The following GALNT14 variants were observed in gnomAD, a reference collection of about 807,000 sequenced individuals.
The protein encoded by GALNT14 is polypeptide N-acetylgalactosaminyltransferase 14.
A neutral mutation model predicts 77.5 loss-of-function variants in GALNT14; 60 were observed. The observed-to-expected ratio is 0.77, with a 90% confidence interval of 0.63 to 0.96. The LOEUF (loss-of-function observed/expected upper bound fraction) is 0.96, where lower values mean the gene tolerates loss of function less well. GALNT14 is among the 40% of genes least tolerant of loss of function. The pLI is 0.00. For missense variants in GALNT14, 710 were observed against 731.0 expected, an observed-to-expected ratio of 0.97 and a Z score of 0.33; for synonymous variants, 280 against 281.7, an observed-to-expected ratio of 0.99 and a Z score of 0.06.
chr2:31,038,922 T>C (rs549468193), intron 1 of GALNT14, among the ~76,000 whole-genome samples: 3 of 152,134 alleles, frequency 2.0e-5, no homozygotes, highest in East Asian at 3.9e-4. Context: ...ATTTTTTGTA[T>C]TTTTGTAGAG....
At chr2:30,905,241 C>T in the GALNT14 span, among the ~76,000 whole-genome samples, 1 of 152,132 alleles carries the variant, frequency 6.6e-6, no homozygotes, top group East Asian at 1.9e-4. Flanking sequence ...GAGAAGAAGC[C>T]TTCAGACGAT....
intron 1 of GALNT14, among the ~76,000 whole-genome samples, chr2:31,050,222 A>G (rs921229259): frequency 4.6e-5 from 7 of 152,242 alleles, no homozygotes; most frequent in African/African-American, 1.4e-4. Context: ...CATCAGCAAC[A>G]GCCAGCTTGT....
intron 2 of GALNT14, among the ~76,000 whole-genome samples, chr2:30,988,508 G>C (rs1474245743): frequency 6.6e-6 from 1 of 152,220 alleles, no homozygotes; most frequent in African/African-American, 2.4e-5. Flanking sequence ...GAACCAGAGA[G>C]GCCAAAGTCT....
intron 1 of GALNT14, among the ~76,000 whole-genome samples, chr2:31,021,795 C>T (rs1470226090): frequency 6.6e-6 from 1 of 152,156 alleles, no homozygotes; most frequent in East Asian, 1.9e-4. Context: ...AGTCCTGGTG[C>T]AGCAGAAAGA....
intron 1 of GALNT14, among the ~76,000 whole-genome samples, chr2:31,127,976 T>A (rs1015452355): frequency 6.6e-6 from 1 of 151,964 alleles, no homozygotes; most frequent in African/African-American, 2.4e-5. Flanking sequence ...AGGACAAGAG[T>A]AAAAAAGTCA....
At chr2:31,022,878 G>A (rs184491943) in intron 1 of GALNT14, among the ~76,000 whole-genome samples, 35 of 152,240 alleles carry the variant, frequency 2.3e-4, no homozygotes, top group African/African-American at 6.5e-4. Flanking sequence ...TTTACTCCCC[G>A]CCTATGGGTG....
intron 1 of GALNT14, among the ~76,000 whole-genome samples, chr2:31,076,424 G>A (rs961084983): frequency 2.6e-5 from 4 of 151,920 alleles, no homozygotes; most frequent in Non-Finnish European, 4.4e-5. Context: ...CTCCACCCCC[G>A]CTCTGAGACC....
chr2:31,128,123 T>C (rs1026682394), intron 1 of GALNT14, among the ~76,000 whole-genome samples: 1 of 152,120 alleles, frequency 6.6e-6, no homozygotes. Context: ...CTCCTGATCT[T>C]ACGCTTTCCT....
chr2:31,006,128 T>C (rs1055900759), intron 1 of GALNT14, among the ~76,000 whole-genome samples: 4 of 152,174 alleles, frequency 2.6e-5, no homozygotes, highest in Admixed American at 1.3e-4. Flanking sequence ...TTTGGCTCCA[T>C]GGGCTGGAAT....
chr2:31,038,085 T>TATATATATATA (rs1491282655), intron 1 of GALNT14, among the ~76,000 whole-genome samples: 118 of 38,674 alleles, frequency 3.1e-3, no homozygotes, highest in East Asian at 6.8e-3. Context: ...TATATATATA[T>TATATATATATA]TTTTTTTTTT....
chr2:30,958,088 C>T (rs1667474351), intron 4 of GALNT14, among the ~76,000 whole-genome samples: 1 of 152,280 alleles, frequency 6.6e-6, no homozygotes, highest in African/African-American at 2.4e-5. Context: ...GTGTCATGGC[C>T]AGGTGACAGG....
rs181132015 is a variant in GALNT14, at chr2:31,043,046, C to T, written c.130-50039G>A. 1.0e-3 allele frequency among the ~76,000 whole-genome samples: 159 copies of T among 152,288 alleles called. 4 individuals are homozygous for T. In the South Asian group the frequency reaches 0.02, roughly 19 times the overall value. Reference sequence around the variant, plus strand: ...ACCTCACCTCCTACTTCTCCCCTTTCTCCTCATCCCAGCACACTCCACTTT... The same window carrying T: ...ACCTCACCTCCTACTTCTCCCCTTTTTCCTCATCCCAGCACACTCCACTTT... On this transcript the variant is annotated intron_variant, in intron 1 of 14. Coordinates refer to ENST00000349752, the MANE Select transcript of GALNT14 (RefSeq NM_024572.4).
chr2:30,945,077 G>T, intron 7 of GALNT14, 135 bp from the exon 8 acceptor site: 1 of 630,042 alleles, frequency 1.6e-6, no homozygotes, highest in Admixed American at 3.1e-5. Flanking sequence ...TGGGATTGCA[G>T]GTTTCCCTAG....
intron 2 of GALNT14, among the ~76,000 whole-genome samples, chr2:30,977,743 C>T (rs780480195): frequency 7.2e-5 from 11 of 152,240 alleles, no homozygotes; most frequent in East Asian, 3.9e-4. Flanking sequence ...CACATCCGTG[C>T]GCCATTCTGG....
At position 31,038,086 on chromosome 2, in the gene GALNT14, T is replaced by TATATATA. The variant is rs1558514656; in HGVS notation, c.130-45080_130-45079insTATATAT. Among the ~76,000 whole-genome samples, 88 of 35,854 alleles carry TATATATA rather than the reference T, an allele frequency of 2.5e-3. 1 individual carries two copies. The highest frequency in any genetic ancestry group is 4.3e-3 in the East Asian group (4 of 932). The allele number at this position is 35,854 out of a possible 152,430, so 23.5% of individuals were successfully genotyped here. A position where few individuals can be genotyped will look rare whatever the true frequency, so the allele number is the denominator to read the frequency against. On this transcript the variant is annotated intron_variant, in intron 1 of 14. Transcript: ENST00000349752. ...TTGCCATATATATATATATATATATTTTTTTTTTTTTTTTTTTTTTTTTTT... is the reference window on the plus strand; with the variant it reads ...TTGCCATATATATATATATATATATTATATATATTTTTTTTTTTTTTTTTTTTTTTTT...
intron 1 of GALNT14, among the ~76,000 whole-genome samples, chr2:31,105,526 G>T (rs779734517): frequency 6.6e-6 from 1 of 152,116 alleles, no homozygotes; most frequent in Non-Finnish European, 1.5e-5. Flanking sequence ...AGGAGTTCGA[G>T]ACCAGCCTGG....
At chr2:31,118,637 G>T (rs1678234691) in intron 1 of GALNT14, among the ~76,000 whole-genome samples, 1 of 152,118 alleles carries the variant, frequency 6.6e-6, no homozygotes, top group African/African-American at 2.4e-5. Context: ...AAAGCCATTT[G>T]CATCAAAATC....
chr2:31,008,813 C>A (rs1055714870), intron 1 of GALNT14, among the ~76,000 whole-genome samples: 1 of 152,172 alleles, frequency 6.6e-6, no homozygotes, highest in African/African-American at 2.4e-5. Flanking sequence ...ACAGTGCAGT[C>A]GACACCGCTC....
chr2:31,094,757 T>C (rs186039476), intron 1 of GALNT14, among the ~76,000 whole-genome samples: 104 of 152,266 alleles, frequency 6.8e-4, no homozygotes, highest in Non-Finnish European at 1.2e-3. Flanking sequence ...TTCTGGCCCA[T>C]ACAGACACTC....
Sources: allele counts gnomAD v4.1 joint callset (sites outside exome capture counted in the v4.1 genomes callset), GRCh38; gene constraint gnomAD v4.1.1; transcripts MANE v1.5; gene names NCBI Gene and HGNC (gene_info 2026-07-23, HGNC 2026-07-21).